Variants in SCN3A observed in about 807,000 individuals in gnomAD.
SCN3A encodes sodium voltage-gated channel alpha subunit 3, also known as sodium channel protein type 3 subunit alpha.
SCN3A carries 60 observed loss-of-function variants against 187.6 expected under a neutral mutation model. The ratio of observed to expected loss-of-function variants is 0.32; its 90% CI spans 0.26 to 0.40. SCN3A has a LOEUF of 0.40. Among genes scored for constraint, SCN3A ranks in the 10% least tolerant of loss-of-function variants. SCN3A has a pLI of 1.00. For synonymous variants in SCN3A, 788 were observed against 829.2 expected, an observed-to-expected ratio of 0.95 and a Z score of 0.85; for missense variants, 1,601 against 2,428.2, an observed-to-expected ratio of 0.66 and a Z score of 7.16.
chr2:165,110,248 T>A (rs763427476), intron 21 of SCN3A, among the ~76,000 whole-genome samples: 104 of 152,344 alleles, frequency 6.8e-4, no homozygotes, highest in Non-Finnish European at 1.3e-3. Flanking sequence ...TCTGTTTTGT[T>A]CATTTCTCCT....
rs745891599 is a variant in SCN3A, at chr2:165,090,316, A to G, written c.5837T>C (p.Ile1946Thr). 34 of 1,613,362 alleles carry G rather than the reference A, an allele frequency of 2.1e-5. No homozygotes were observed. The highest frequency in any genetic ancestry group is 2.8e-5 in the Non-Finnish European group (33 of 1,179,566). Residue 1946 changes from isoleucine to threonine, a missense_variant, in exon 28 of 28, where the codon ATT becomes ACT. Physicochemically the swap from Ile to Thr is moderately conservative, Grantham distance 89 (BLOSUM62 -1). Around this residue, in one of 11 missense-constraint regions of SCN3A, gnomAD observed 87 missense variants for 89.2 expected, o/e 0.98. Transcript: ENST00000283254. This position sits in a 1 kb window ranked among gnomAD's most constrained non-coding sequence, Gnocchi z 4.0. ...AGTGGAGTTCCCATTTAGTTTGTCAATAATCATGTCTTGTTTTATAGGTAA... is the reference window on the plus strand; with the variant it reads ...AGTGGAGTTCCCATTTAGTTTGTCAGTAATCATGTCTTGTTTTATAGGTAA... ...IDLPIKQDMI[I>T]DKLNGNSTPE...
intron 11 of SCN3A, among the ~76,000 whole-genome samples, chr2:165,149,680 T>G (rs1022948119): frequency 7.2e-5 from 11 of 152,246 alleles, no homozygotes; most frequent in Admixed American, 2.0e-4. Context: ...TCATCTCTCA[T>G]GTCTGTGTAC....
At chr2:165,172,930 G>T (rs1474691906) in intron 3 of SCN3A, among the ~76,000 whole-genome samples, 1 of 152,130 alleles carries the variant, frequency 6.6e-6, no homozygotes, top group African/African-American at 2.4e-5. Flanking sequence ...CATAGTGAAA[G>T]AATTGCAAGA....
At chr2:165,133,887 T>C (rs1033264431) in intron 15 of SCN3A, among the ~76,000 whole-genome samples, 2 of 152,178 alleles carry the variant, frequency 1.3e-5, no homozygotes, top group African/African-American at 4.8e-5. Context: ...AATCCACATA[T>C]TACTGAAAGT....
chr2:165,134,469 G>A lies in SCN3A; in HGVS notation c.2392-3052C>T, dbSNP rs537152434. ...AAAAGAAATCTTGATCCACCCTTAC[G>A]AATATATAAATGCAGCTAACACTTC... On this transcript the variant is annotated intron_variant, in intron 15 of 27. Transcript: ENST00000283254. Among the ~76,000 whole-genome samples the A allele has an allele frequency of 3.3e-4, 50 of 152,044 alleles. No individual in the cohort carries two copies. The South Asian group carries it at 8.3e-3, about 25-fold the overall frequency.
intron 16 of SCN3A, chr2:165,130,548 A>G (rs1453576367): frequency 1.6e-5 from 8 of 488,394 alleles, no homozygotes; most frequent in Non-Finnish European, 2.9e-5. Context: ...TTTCTGATTC[A>G]TCCAAAGATA....
intron 5 of SCN3A, among the ~76,000 whole-genome samples, chr2:165,165,869 C>T (rs1001305407): frequency 6.6e-6 from 1 of 152,140 alleles, no homozygotes; most frequent in Non-Finnish European, 1.5e-5. Flanking sequence ...CTTTTCTCCC[C>T]CAACAATTCA....
chr2:165,131,972 G>A (rs1318720987), intron 15 of SCN3A, among the ~76,000 whole-genome samples: 5 of 151,870 alleles, frequency 3.3e-5, no homozygotes, highest in Admixed American at 3.3e-4. Flanking sequence ...TGGTGTATAT[G>A]TGCCACATTT....
rs1684936407 is a variant in SCN3A at position 165,088,482 on chromosome 2, T to TAG, written c.*1667_*1668insCT. 1 of 152,464 alleles carries TAG rather than the reference T, an allele frequency of 6.6e-6. No homozygotes were observed. Among genetic ancestry groups the TAG allele is most frequent in the South Asian group, 2.1e-4 (1 of 4,820 alleles). The allele number at this position is 152,464 out of a possible 1,614,324, so 9.4% of individuals were successfully genotyped here. A position where few individuals can be genotyped will look rare whatever the true frequency, so the allele number is the denominator to read the frequency against. On this transcript the variant is annotated 3_prime_UTR_variant, in exon 28 of 28. Transcript: ENST00000283254. ...AAACATCTATGAATAAAAGGTTATA[T>TAG]TGAGGCAACCATAGTTGGTAGAAAA...
chr2:165,117,345 A>C (rs1686421257), intron 18 of SCN3A, among the ~76,000 whole-genome samples: 1 of 152,116 alleles, frequency 6.6e-6, no homozygotes, highest in African/African-American at 2.4e-5. Flanking sequence ...TCTGAGCCTT[A>C]TCATAGTAAA....
At chr2:165,114,032 T>G in intron 19 of SCN3A, 62 bp from the exon 20 acceptor site, 1 of 1,119,710 alleles carries the variant, frequency 8.9e-7, no homozygotes, top group Non-Finnish European at 1.3e-6. Flanking sequence ...AAAAATAAAC[T>G]TTCTTGCCCC....
At chr2:165,161,744 C>T (rs924988464) in intron 9 of SCN3A, among the ~76,000 whole-genome samples, 3 of 152,162 alleles carry the variant, frequency 2.0e-5, no homozygotes, top group Admixed American at 6.5e-5. Flanking sequence ...TTTGTTGTAA[C>T]GTGTGGCCTA....
chr2:165,190,689 A>G (rs542613893), intron 1 of SCN3A, among the ~76,000 whole-genome samples: 2 of 150,358 alleles, frequency 1.3e-5, no homozygotes, highest in East Asian at 3.9e-4. Context: ...TGTGATTTAA[A>G]AGGCTTTTTC....
At chr2:165,113,199 C>G (rs1439991) in intron 20 of SCN3A, 141 bp from the exon 21 acceptor site, 2 of 679,580 alleles carry the variant, frequency 2.9e-6, no homozygotes, top group Admixed American at 5.3e-5. Context: ...CAGACAAAAT[C>G]TAAAGACTAA....
At chr2:165,093,211 G>A (rs1685199387) in intron 26 of SCN3A, 1 of 152,120 alleles carries the variant, frequency 6.6e-6, no homozygotes, top group African/African-American at 2.4e-5. Flanking sequence ...TATTTAGATA[G>A]AGAATACACC....
chr2:165,097,216 G>A (rs1685399602), intron 23 of SCN3A, 36 bp downstream of exon 23: 9 of 1,612,812 alleles, frequency 5.6e-6, no homozygotes, highest in Non-Finnish European at 7.6e-6. Context: ...GAAACATCTT[G>A]AAAACTTTTT....
intron 18 of SCN3A, among the ~76,000 whole-genome samples, chr2:165,127,011 A>G (rs1287294208): frequency 6.6e-6 from 1 of 152,182 alleles, no homozygotes. Flanking sequence ...TTTTTTAAAG[A>G]ACATAATGTA....
At chr2:165,183,563 A>C (rs920968280) in intron 2 of SCN3A, among the ~76,000 whole-genome samples, 6 of 152,210 alleles carry the variant, frequency 3.9e-5, no homozygotes, top group African/African-American at 1.4e-4. Context: ...AGCATTGTAA[A>C]CATTTCGGAT....
At chr2:165,106,138 G>A (rs911670994) in intron 21 of SCN3A, among the ~76,000 whole-genome samples, 1 of 152,078 alleles carries the variant, frequency 6.6e-6, no homozygotes, top group Non-Finnish European at 1.5e-5. Context: ...ACTCATCACT[G>A]GTGACTACAA....
Sources: allele counts gnomAD v4.1 joint callset (sites outside exome capture counted in the v4.1 genomes callset), GRCh38; gene constraint gnomAD v4.1.1; regional missense constraint gnomAD v4.1.1; non-coding constraint Gnocchi (gnomAD v3.1); transcripts MANE v1.5; gene names NCBI Gene and HGNC (gene_info 2026-07-23, HGNC 2026-07-21).